Variants in HAUS7 observed in about 807,000 individuals in gnomAD.
The protein encoded by HAUS7 is HAUS augmin like complex subunit 7.
In HAUS7, 3 loss-of-function variants were observed where a neutral mutation model predicts 28.4. The observed-to-expected ratio is 0.11, with a 90% CI of 0.05 to 0.27. The LOEUF (loss-of-function observed/expected upper bound fraction) is 0.27, where lower values mean the gene tolerates loss of function less well. HAUS7 is among the 10% of genes least tolerant of loss of function. The pLI is 1.00. For missense variants in HAUS7, 284 were observed against 297.3 expected, an observed-to-expected ratio of 0.96 and a Z score of 0.33; for synonymous variants, 165 against 132.1, an observed-to-expected ratio of 1.25 and a Z score of -1.71.
rs1313483923 is a variant in HAUS7 at position 153,453,011 on chromosome X, C to T, written c.1045+1383G>A. Among the ~76,000 whole-genome samples the T allele has an allele frequency of 2.7e-5, 3 of 112,169 alleles. No individual in the cohort carries two copies. In the Admixed American group the frequency reaches 2.8e-4, roughly 11 times the overall value. ...AAAATACGTTCACACAAAAGACTTA[C>T]GATGTACATAGCCAAAAAGTAGAAA... On this transcript the variant is annotated intron_variant, in intron 9 of 9. Coordinates refer to ENST00000370211, the MANE Select transcript of HAUS7 (RefSeq NM_001385482.1).
At chrX:153,462,076 A>AT in intron 4 of HAUS7, 1 of 889,517 alleles carries the variant, frequency 1.1e-6, no homozygotes, top group African/African-American at 2.2e-5. Context: ...CTCTTCAGAT[A>AT]TAAAAAAAAG....
rs138147256 is a variant in HAUS7, at chrX:153,485,888, G to A, written c.-589+9486C>T. On this transcript the variant is annotated intron_variant, in intron 1 of 5. Transcript: ENST00000370210. ...CCACATCGAGCGCATCCCTGGCTAC[G>A]CGTTCGCGCACATGAAGCCAGGCCT... The A allele has an allele frequency of 2.5e-4, 233 of 928,382 alleles. 1 individual carries two copies. In the East Asian group the frequency reaches 0.016, roughly 63 times the overall value. The allele number at this position is 928,382 out of a possible 1,213,427, so 76.5% of individuals were successfully genotyped here. A position where few individuals can be genotyped will look rare whatever the true frequency, so the allele number is the denominator to read the frequency against.
chrX:153,480,331 C>G (rs782749325), intron 1 of HAUS7, among the ~76,000 whole-genome samples: 1 of 109,390 alleles, frequency 9.1e-6, no homozygotes, highest in African/African-American at 3.3e-5. Context: ...GCGCCACCCA[C>G]CCCCCTCCCC....
At chrX:153,470,312 T>G in intron 1 of HAUS7, 138 bp downstream of exon 1, 2 of 572,966 alleles carry the variant, frequency 3.5e-6, no homozygotes, top group Admixed American at 7.2e-5. Context: ...CACCCCCTGC[T>G]GCAAGGGAAC....
rs141525337 is a variant in HAUS7 at position 153,456,603 on chromosome X, C to A, written c.495G>T (p.Leu165=). 8.5e-7 allele frequency: 1 copy of A among 1,182,553 alleles called. No homozygotes were observed. Among genetic ancestry groups the A allele is most frequent in the South Asian group, 1.9e-5 (1 of 53,702 alleles). ...GGTGGGGGCTAGAGAAGAGCTCCCC[C>A]AGCAAGGCCTCGTTCTTCTCCCTGG... ...EDTREKNEAL[L]GELFSSPHLQ... is the part of the protein sequence containing the mutation. The change falls in exon 6 of 10, where the codon CTG becomes CTT. Residue 165 remains leucine (L), a synonymous_variant. Coordinates refer to ENST00000370211, the MANE Select transcript of HAUS7 (RefSeq NM_001385482.1).
At chrX:153,470,357 G>A (rs1249750317) in intron 1 of HAUS7, 93 bp downstream of exon 1, 2 of 927,668 alleles carry the variant, frequency 2.2e-6, no homozygotes, top group Admixed American at 6.1e-5. Flanking sequence ...GTGGCCGCGT[G>A]GCGCCGCGGA....
intron 1 of HAUS7, chrX:153,479,507 G>T (rs2089584849): frequency 2.5e-6 from 1 of 404,249 alleles, no homozygotes. Flanking sequence ...CCTGGAGGGC[G>T]AGGGGTGTGC....
intron 2 of HAUS7, among the ~76,000 whole-genome samples, chrX:153,466,448 G>A (rs1213173188): frequency 1.8e-5 from 2 of 112,309 alleles, no homozygotes; most frequent in Non-Finnish European, 3.8e-5. Context: ...GAAAGCCACA[G>A]GGCCTTGACC....
intron 1 of HAUS7, chrX:153,481,639 T>C (rs782507582): frequency 7.7e-5 from 58 of 753,935 alleles, no homozygotes; most frequent in Non-Finnish European, 8.8e-5. Flanking sequence ...GACCACACTC[T>C]ACCTGGCAGG....
chrX:153,474,644 AC>A (rs1268608566), upstream of HAUS7, among the ~76,000 whole-genome samples: 1 of 102,929 alleles, frequency 9.7e-6, no homozygotes, highest in Non-Finnish European at 2.0e-5. Flanking sequence ...GGCCCTGGGG[AC>A]CTTTGGGTTT....
At chrX:153,453,849 T>C (rs898532294) in intron 9 of HAUS7, among the ~76,000 whole-genome samples, 1 of 107,057 alleles carries the variant, frequency 9.3e-6, no homozygotes, top group South Asian at 4.3e-4. Context: ...TAAGACAGGG[T>C]CTGGCTGTCA....
At chrX:153,464,425 G>T (rs2089431867) in intron 3 of HAUS7, among the ~76,000 whole-genome samples, 1 of 112,405 alleles carries the variant, frequency 8.9e-6, no homozygotes. Flanking sequence ...GCCAGCTGGG[G>T]CACGGATCAG....
intron 4 of HAUS7, among the ~76,000 whole-genome samples, chrX:153,459,715 A>C (rs1424255757): frequency 2.7e-5 from 3 of 112,253 alleles, no homozygotes; most frequent in Admixed American, 9.4e-5. Flanking sequence ...ATATCCCTTA[A>C]TGTAAAAATA....
intron 3 of HAUS7, among the ~76,000 whole-genome samples, chrX:153,463,570 G>A (rs1370920799): frequency 8.9e-6 from 1 of 112,479 alleles, no homozygotes; most frequent in Non-Finnish European, 1.9e-5. Flanking sequence ...CCAGCACAGT[G>A]GGCCAGGGGT....
Position 153,469,259 on chromosome X carries a change from G to A in HAUS7, c.111C>T (p.Asp37=). The part of the protein sequence containing the change: ...AAVEVFGKLK[D]LNCPFLEGLY... ...GACCCTCGAGGAAGGGGCAGTTTAG[G>A]TCCTAAGCAAGGAAAAGGAAAGCAA... The change falls in exon 2 of 10, where the codon GAC becomes GAT. Residue 37 remains aspartate (D), a splice_region_variant and synonymous_variant. Coordinates refer to ENST00000370211, the MANE Select transcript of HAUS7 (RefSeq NM_001385482.1). 1 of 1,006,224 alleles carries A rather than the reference G, an allele frequency of 9.9e-7. No individual in the cohort carries two copies. The highest frequency in any genetic ancestry group is 1.4e-6 in the Non-Finnish European group (1 of 712,251). 82.9% of individuals were successfully genotyped at this position (1,006,224 alleles called of 1,213,427 possible).
intron 1 of HAUS7, among the ~76,000 whole-genome samples, chrX:153,491,570 C>T (rs2089671299): frequency 8.8e-6 from 1 of 113,064 alleles, no homozygotes; most frequent in Admixed American, 9.2e-5. Context: ...CCATGGCTGC[C>T]GCCCCACCTG....
chrX:153,480,860 C>A, intron 1 of HAUS7: 1 of 754,940 alleles, frequency 1.3e-6, no homozygotes, highest in Non-Finnish European at 1.6e-6. Flanking sequence ...CAGGGAAGCC[C>A]GAGGCCTTGA....
At chrX:153,482,783 G>A in intron 1 of HAUS7, 2 of 747,702 alleles carry the variant, frequency 2.7e-6, no homozygotes, top group Non-Finnish European at 3.2e-6. Context: ...TCTCCCCCTG[G>A]CCTTCCAGCC....
chrX:153,467,287 G>A (rs1167765846), intron 2 of HAUS7, among the ~76,000 whole-genome samples: 1 of 111,806 alleles, frequency 8.9e-6, no homozygotes, highest in African/African-American at 3.3e-5. Context: ...TTTCCCTGGG[G>A]TATTGGTCTC....
Sources: gnomAD v4.1 joint callset for allele counts (sites outside exome capture counted in the v4.1 genomes callset) on GRCh38, gnomAD v4.1.1 for gene constraint, MANE v1.5 for transcripts, NCBI Gene and HGNC (gene_info 2026-07-23, HGNC 2026-07-21) for gene names.